SYNDIG1: variants seen among roughly 807,000 people sequenced by gnomAD.
SYNDIG1 encodes synapse differentiation-inducing gene protein 1.
In SYNDIG1, 9 loss-of-function variants were observed where a neutral mutation model predicts 19.4. That is an observed-to-expected ratio of 0.46 (90% confidence interval 0.28 to 0.81). The LOEUF (loss-of-function observed/expected upper bound fraction) is 0.81. SYNDIG1 is among the 30% of genes least tolerant of loss of function. The pLI is 0.12. For missense variants in SYNDIG1, 311 were observed against 343.3 expected (o/e 0.91, Z 0.74); for synonymous variants, 141 against 145.9 (o/e 0.97, Z 0.24).
intron 1 of SYNDIG1, among the ~76,000 whole-genome samples, chr20:24,540,826 C>T (rs1046223862): frequency 6.6e-6 from 1 of 152,086 alleles, no homozygotes; most frequent in Non-Finnish European, 1.5e-5. Context: ...AGTTTTACAT[C>T]AGTGTTCATA....
intron 1 of SYNDIG1, among the ~76,000 whole-genome samples, chr20:24,481,278 A>G (rs1346337713): frequency 1.3e-5 from 2 of 152,220 alleles, no homozygotes; most frequent in Non-Finnish European, 2.9e-5. Flanking sequence ...TTGAAAGGGC[A>G]CAGTGGGGAC....
chr20:24,569,067 G>A (rs114687247), intron 2 of SYNDIG1, among the ~76,000 whole-genome samples: 2,829 of 152,256 alleles, frequency 0.019, 78 homozygotes, highest in African/African-American at 0.064. Flanking sequence ...TCGAGAGCCC[G>A]CCCATTTCAA....
At chr20:24,568,914 C>T (rs2058095998) in intron 2 of SYNDIG1, among the ~76,000 whole-genome samples, 1 of 152,206 alleles carries the variant, frequency 6.6e-6, no homozygotes, top group African/African-American at 2.4e-5. Flanking sequence ...ATCAGCTGGG[C>T]TTCTCAGAGA....
At chr20:24,551,914 G>A (rs1443569697) in intron 2 of SYNDIG1, among the ~76,000 whole-genome samples, 2 of 152,124 alleles carry the variant, frequency 1.3e-5, no homozygotes, top group East Asian at 3.8e-4. Context: ...ATGTTCTGGG[G>A]AATATGCCAT....
intron 3 of SYNDIG1, among the ~76,000 whole-genome samples, chr20:24,613,437 C>T (rs1249663176): frequency 6.6e-6 from 1 of 152,182 alleles, no homozygotes; most frequent in African/African-American, 2.4e-5. Flanking sequence ...TCACAATCAG[C>T]TTTCCATGAC....
chr20:24,477,750 G>A (rs1367375052), intron 1 of SYNDIG1, among the ~76,000 whole-genome samples: 1 of 152,202 alleles, frequency 6.6e-6, no homozygotes, highest in African/African-American at 2.4e-5. Context: ...GTGCATGGAA[G>A]TGGAGTAGGG....
chr20:24,551,025 G>GGGA, intron 2 of SYNDIG1, among the ~76,000 whole-genome samples: 1 of 152,262 alleles, frequency 6.6e-6, no homozygotes, highest in South Asian at 2.1e-4. Context: ...TGGCTGCATA[G>GGGA]AATAAGTTGG....
intron 3 of SYNDIG1, among the ~76,000 whole-genome samples, chr20:24,612,086 AGGT>A (rs2058857240): frequency 1.3e-5 from 2 of 152,232 alleles, no homozygotes; most frequent in South Asian, 4.1e-4. Flanking sequence ...AAGTTCTCTA[AGGT>A]TCTGCGTGAT....
intron 1 of SYNDIG1, among the ~76,000 whole-genome samples, chr20:24,513,449 A>AACCATGGC (rs1184523482): frequency 4.6e-5 from 7 of 152,218 alleles, no homozygotes; most frequent in Non-Finnish European, 1.0e-4. Context: ...TGGAGCTGAA[A>AACCATGGC]ACCATGGCAC....
rs556659671 is a variant in SYNDIG1 at position 24,490,010 on chromosome 20, G to A, written c.-79+20257G>A. ...CCCCCGAGCTGAATCCACCACATCT[G>A]CTCCCACAAATAACAGAAGAGAGAG... On this transcript the variant is annotated intron_variant, in intron 1 of 3. Transcript: ENST00000376862. Among the ~76,000 whole-genome samples, 6 of 152,330 alleles carry A rather than the reference G, an allele frequency of 3.9e-5. No homozygotes were observed. The South Asian group carries it at 1.2e-3, about 32-fold the overall frequency.
rs1033517122 is a variant in SYNDIG1 at position 24,528,578 on chromosome 20, C to T, written c.-78-14442C>T. Among the ~76,000 whole-genome samples the T allele has an allele frequency of 7.2e-5, 11 of 152,256 alleles. No individual in the cohort carries two copies. In the Middle Eastern group the frequency reaches 0.017, roughly 235 times the overall value. On this transcript the variant is annotated intron_variant, in intron 1 of 3. Transcript: ENST00000376862. ...CTGGAGGGGATGAACACTGTGTGCT[C>T]ACATGGCAGAAGCTCAAGAAGGGGC...
At chr20:24,529,855 C>T (rs375277429) in intron 1 of SYNDIG1, among the ~76,000 whole-genome samples, 18 of 4,902 alleles carry the variant, frequency 3.7e-3, no homozygotes, top group East Asian at 6.3e-3. Context: ...CTCCTTCTGA[C>T]AGTGTCAGTG....
At chr20:24,590,014 C>T (rs2058480880) in intron 3 of SYNDIG1, among the ~76,000 whole-genome samples, 1 of 152,216 alleles carries the variant, frequency 6.6e-6, no homozygotes, top group Non-Finnish European at 1.5e-5. Flanking sequence ...CTAACGTGCT[C>T]GTCGCCTGCC....
chr20:24,496,592 T>C (rs1460192867), intron 1 of SYNDIG1, among the ~76,000 whole-genome samples: 1 of 152,222 alleles, frequency 6.6e-6, no homozygotes, highest in Non-Finnish European at 1.5e-5. Flanking sequence ...CTGTTTTGTT[T>C]TTTTCTGAAC....
intron 3 of SYNDIG1, among the ~76,000 whole-genome samples, chr20:24,659,682 G>A (rs377306373): frequency 1.1e-4 from 16 of 152,224 alleles, no homozygotes; most frequent in African/African-American, 3.6e-4. Context: ...GAGAGGTGGG[G>A]AGAGGCCTGG....
intron 3 of SYNDIG1, among the ~76,000 whole-genome samples, chr20:24,626,476 T>C (rs1245594071): frequency 7.1e-6 from 1 of 141,404 alleles, no homozygotes; most frequent in African/African-American, 2.7e-5. Context: ...TCTCAGACGA[T>C]GGGCGGCCGG....
intron 3 of SYNDIG1, among the ~76,000 whole-genome samples, chr20:24,649,471 G>T (rs2059449469): frequency 6.6e-6 from 1 of 152,166 alleles, no homozygotes; most frequent in South Asian, 2.1e-4. Flanking sequence ...TTGCACACGT[G>T]TATCTATAAA....
chr20:24,548,271 G>C (rs1424485232), intron 2 of SYNDIG1, among the ~76,000 whole-genome samples: 1 of 152,128 alleles, frequency 6.6e-6, no homozygotes, highest in Non-Finnish European at 1.5e-5. Flanking sequence ...TCTACATTAG[G>C]GGGAAAAATG....
intron 3 of SYNDIG1, among the ~76,000 whole-genome samples, chr20:24,628,566 T>C (rs1389590168): frequency 6.6e-6 from 1 of 152,204 alleles, no homozygotes; most frequent in Non-Finnish European, 1.5e-5. Flanking sequence ...AAAGGCAATA[T>C]CAATGCATAA....
Sources: allele counts gnomAD v4.1 joint callset (sites outside exome capture counted in the v4.1 genomes callset), GRCh38; gene constraint gnomAD v4.1.1; transcripts MANE v1.5; gene names NCBI Gene and HGNC (gene_info 2026-07-23, HGNC 2026-07-21).